WDR59: variants seen among roughly 807,000 people sequenced by gnomAD.
The protein encoded by WDR59 is GATOR2 complex protein WDR59.
A neutral mutation model predicts 131.2 loss-of-function variants in WDR59; 100 were observed. The ratio of observed to expected loss-of-function variants is 0.76; its 90% confidence interval spans 0.65 to 0.90. WDR59 has a LOEUF of 0.90. Ranked by LOEUF, WDR59 falls within the 40% of genes least tolerant of loss-of-function variation. WDR59 has a pLI of 0.00. For synonymous variants in WDR59, 601 were observed against 466.2 expected (o/e 1.29, Z -3.72); for missense variants, 1,203 against 1,262.2 (o/e 0.95, Z 0.71).
At chr16:74,921,803 G>A (rs1335455484) in intron 10 of WDR59, 144 bp downstream of exon 10, 43 of 975,926 alleles carry the variant, frequency 4.4e-5, no homozygotes, top group South Asian at 7.1e-5. Context: ...CACCTATGAC[G>A]AAAGGTGGCA....
chr16:74,946,388 G>A lies in WDR59; in HGVS notation c.445+2131C>T, dbSNP rs114795701. Among the ~76,000 whole-genome samples, 1,463 of 152,156 alleles carry A rather than the reference G, an allele frequency of 9.6e-3. 19 individuals are homozygous for A. The highest frequency in any genetic ancestry group is 0.028 in the African/African-American group (1,172 of 41,520). On this transcript the variant is annotated intron_variant, in intron 6 of 25. Coordinates refer to ENST00000262144, the MANE Select transcript of WDR59 (RefSeq NM_030581.4). Reference sequence around the variant, plus strand: ...TGGATCAGGCACAAATGCCTGTAGCGCACAAATACATACACTCGTCTACAG... The same window carrying A: ...TGGATCAGGCACAAATGCCTGTAGCACACAAATACATACACTCGTCTACAG...
chr16:74,924,355 A>C (rs1038561953), intron 8 of WDR59, among the ~76,000 whole-genome samples: 2 of 152,260 alleles, frequency 1.3e-5, no homozygotes, highest in African/African-American at 2.4e-5. Flanking sequence ...ACAAGAGCTG[A>C]AGTGTCCTGA....
chr16:74,953,753 G>A (rs1407040218), intron 3 of WDR59, among the ~76,000 whole-genome samples: 1 of 152,006 alleles, frequency 6.6e-6, no homozygotes, highest in Non-Finnish European at 1.5e-5. Context: ...TGTAATCCCA[G>A]CACTTTGGGA....
chr16:74,977,683 G>T (rs1197545895), intron 1 of WDR59, among the ~76,000 whole-genome samples: 2 of 152,114 alleles, frequency 1.3e-5, no homozygotes, highest in African/African-American at 4.8e-5. Flanking sequence ...GCAAGATTCT[G>T]TCTCAAAAAA....
At chr16:74,933,425 C>T (rs1178171140) in intron 8 of WDR59, among the ~76,000 whole-genome samples, 1 of 152,040 alleles carries the variant, frequency 6.6e-6, no homozygotes, top group Non-Finnish European at 1.5e-5. Flanking sequence ...CAGAGATTCA[C>T]CAAAATACTG....
At chr16:74,880,271 C>A (rs1964414630) in intron 25 of WDR59, among the ~76,000 whole-genome samples, 1 of 152,000 alleles carries the variant, frequency 6.6e-6, no homozygotes. Context: ...CATGGTGAAA[C>A]CCCATCTCTA....
At chr16:74,920,914 A>G (rs748572838) in intron 10 of WDR59, among the ~76,000 whole-genome samples, 13 of 151,838 alleles carry the variant, frequency 8.6e-5, no homozygotes, top group East Asian at 1.9e-4. Context: ...AGGAGTCACT[A>G]CTCTCAGGGA....
rs912185436 is a variant in WDR59 at position 74,951,613 on chromosome 16, G to T, written c.241-70C>A. On this transcript the variant is annotated intron_variant, in intron 3 of 25. Transcript: ENST00000262144. ...TATGGTCTTGCCCCAATCAGCTTAAGGCAGTGAAGAGGAAGCCAGGGATCT... is the reference window on the plus strand; with the variant it reads ...TATGGTCTTGCCCCAATCAGCTTAATGCAGTGAAGAGGAAGCCAGGGATCT... 1.2e-4 allele frequency: 172 copies of T among 1,395,030 alleles called. No individual in the cohort carries two copies. The Middle Eastern group carries it at 2.5e-3, about 20-fold the overall frequency. The allele number at this position is 1,395,030 out of a possible 1,614,324, so 86.4% of individuals were successfully genotyped here. A position where few individuals can be genotyped will look rare whatever the true frequency, so the allele number is the denominator to read the frequency against.
At chr16:74,874,547 T>TG in intron 25 of WDR59, 103 bp from the exon 26 acceptor site, 1 of 850,768 alleles carries the variant, frequency 1.2e-6, no homozygotes, top group Non-Finnish European at 1.8e-6. Context: ...CTCTCAAGAC[T>TG]CTAGCAGATT....
intron 11 of WDR59, 151 bp from the exon 12 acceptor site, chr16:74,916,410 T>G: frequency 1.0e-6 from 1 of 961,172 alleles, no homozygotes; most frequent in African/African-American, 1.6e-5. Flanking sequence ...TTTTACCCAT[T>G]GCCAACTCTC....
chr16:74,878,121 A>G (rs1964304487), intron 25 of WDR59, among the ~76,000 whole-genome samples: 1 of 152,208 alleles, frequency 6.6e-6, no homozygotes, highest in South Asian at 2.1e-4. Context: ...TGTATTCTCT[A>G]TACTTTTAAT....
intron 1 of WDR59, chr16:74,979,057 G>C (rs2034296105): frequency 6.6e-6 from 1 of 152,100 alleles, no homozygotes; most frequent in African/African-American, 2.4e-5. Context: ...TCAGTACTCT[G>C]AACTGTACTT....
intron 11 of WDR59, among the ~76,000 whole-genome samples, chr16:74,917,516 A>G (rs936798572): frequency 6.6e-5 from 10 of 152,130 alleles, no homozygotes; most frequent in African/African-American, 1.9e-4. Flanking sequence ...GTATGTATTA[A>G]ATGTCTATCC....
chr16:74,969,255 A>AAT (rs914108480), intron 1 of WDR59, among the ~76,000 whole-genome samples: 4 of 152,012 alleles, frequency 2.6e-5, no homozygotes, highest in Admixed American at 1.3e-4. Flanking sequence ...GCTACTTATA[A>AAT]ATATATATAT....
At chr16:74,938,640 A>G (rs2031989621) in intron 7 of WDR59, among the ~76,000 whole-genome samples, 1 of 152,064 alleles carries the variant, frequency 6.6e-6, no homozygotes, top group South Asian at 2.1e-4. Flanking sequence ...GGGCTCAAGC[A>G]GTCCTCCCAC....
intron 1 of WDR59, among the ~76,000 whole-genome samples, chr16:74,983,848 A>T (rs2034520351): frequency 6.6e-6 from 1 of 151,002 alleles, no homozygotes; most frequent in Non-Finnish European, 1.5e-5. Context: ...GCGTGTTGGC[A>T]TGCGCCTGTA....
intron 1 of WDR59, among the ~76,000 whole-genome samples, chr16:74,971,523 C>T (rs1194261265): frequency 6.8e-6 from 1 of 147,932 alleles, no homozygotes; most frequent in Non-Finnish European, 1.5e-5. Context: ...ACCTCTGCCT[C>T]CTGAGTTCAA....
At chr16:74,980,034 T>A (rs57243262) in intron 1 of WDR59, among the ~76,000 whole-genome samples, 1,984 of 151,302 alleles carry the variant, frequency 0.013, 45 homozygotes, top group African/African-American at 0.046. Context: ...GTATTTTTAG[T>A]ATTTTTAGTA....
chr16:74,892,441 C>T, intron 20 of WDR59, 43 bp downstream of exon 20: 1 of 1,522,612 alleles, frequency 6.6e-7, no homozygotes, highest in Non-Finnish European at 9.0e-7. Flanking sequence ...CAATTTGCTC[C>T]TGAAGAAAAA....
Sources: allele counts gnomAD v4.1 joint callset (sites outside exome capture counted in the v4.1 genomes callset), GRCh38; gene constraint gnomAD v4.1.1; transcripts MANE v1.5; gene names NCBI Gene and HGNC (gene_info 2026-07-23, HGNC 2026-07-21).